The following DRC2 variants were observed in gnomAD, a reference collection of about 807,000 sequenced individuals.
DRC2 encodes dynein regulatory complex subunit 2, also known as coiled-coil domain containing 65.
the DRC2 span, chr12:48,904,460 T>C: frequency 1.9e-6 from 3 of 1,613,706 alleles, no homozygotes; most frequent in South Asian, 3.3e-5. Flanking sequence ...CCTCAGCCAG[T>C]TCTTGAAGGT....
chr12:48,918,288 A>T, the DRC2 span: 1 of 1,614,042 alleles, frequency 6.2e-7, no homozygotes, highest in African/African-American at 1.3e-5. Flanking sequence ...TTAGAAGAGA[A>T]GCACTTTCTA....
the DRC2 span, among the ~76,000 whole-genome samples, chr12:48,906,533 C>T: frequency 6.6e-6 from 1 of 151,878 alleles, no homozygotes; most frequent in Non-Finnish European, 1.5e-5. Flanking sequence ...ATCCGCCCGC[C>T]TCAGTCTCCC....
chr12:48,921,325 G>A, the DRC2 span: 1 of 1,614,200 alleles, frequency 6.2e-7, no homozygotes, highest in East Asian at 2.2e-5. Context: ...ATCTCAGTGA[G>A]TGACGAAGTG....
At chr12:48,904,146 A>G in the DRC2 span, 1 of 666,970 alleles carries the variant, frequency 1.5e-6, no homozygotes, top group Non-Finnish European at 2.5e-6. Context: ...CGCGTCTTAC[A>G]GTGGGAGAGC....
chr12:48,918,802 G>A, the DRC2 span: 2 of 1,614,092 alleles, frequency 1.2e-6, no homozygotes, highest in Non-Finnish European at 1.7e-6. Flanking sequence ...AAAACTTAAG[G>A]CCCAAAGAAC....
the DRC2 span, among the ~76,000 whole-genome samples, chr12:48,906,397 G>C: frequency 1.3e-5 from 2 of 150,316 alleles, no homozygotes; most frequent in South Asian, 4.2e-4. Flanking sequence ...TCCGCCTCCC[G>C]AGTTCAGCCT....
chr12:48,908,589 ATTATTATTATTATTATTAT>A, the DRC2 span, among the ~76,000 whole-genome samples: 6 of 121,562 alleles, frequency 4.9e-5, no homozygotes, highest in African/African-American at 1.7e-4. Flanking sequence ...TATTATTATT[ATTATTATTATTATTATTAT>A]TTATTTATTT....
the DRC2 span, among the ~76,000 whole-genome samples, chr12:48,916,743 T>C: frequency 6.6e-6 from 1 of 152,222 alleles, no homozygotes. Flanking sequence ...TGTAACCTTT[T>C]GTACTTTTTT....
chr12:48,917,178 C>T, the DRC2 span: 1 of 1,563,556 alleles, frequency 6.4e-7, no homozygotes, highest in Non-Finnish European at 8.8e-7. Context: ...AGGCTGGGCA[C>T]AGTGGCTCAC....
At chr12:48,917,639 A>G in the DRC2 span, among the ~76,000 whole-genome samples, 1 of 152,302 alleles carries the variant, frequency 6.6e-6, no homozygotes, top group Admixed American at 6.5e-5. Flanking sequence ...TGTCAAGGGA[A>G]TGCATTTTAG....
At chr12:48,919,613 G>T in the DRC2 span, among the ~76,000 whole-genome samples, 7 of 151,904 alleles carry the variant, frequency 4.6e-5, no homozygotes, top group South Asian at 2.1e-4. Context: ...TACCTCCCCA[G>T]TTCAAGCAAT....
At chr12:48,912,268 A>G in the DRC2 span, among the ~76,000 whole-genome samples, 1 of 151,152 alleles carries the variant, frequency 6.6e-6, no homozygotes, top group Non-Finnish European at 1.5e-5. Context: ...CTCTCTACTA[A>G]AAAATAAAAA....
chr12:48,921,339 A>C, the DRC2 span: 1 of 1,614,224 alleles, frequency 6.2e-7, no homozygotes. Context: ...CGAAGTGCTG[A>C]GCCAGCTCAA....
chr12:48,918,683 A>G, the DRC2 span: 2 of 1,612,820 alleles, frequency 1.2e-6, no homozygotes, highest in Non-Finnish European at 1.7e-6. Flanking sequence ...CTGTTCCTCT[A>G]GGATGCCATA....
At chr12:48,914,683 G>T in the DRC2 span, 1 of 979,314 alleles carries the variant, frequency 1.0e-6, no homozygotes. Flanking sequence ...ATCCCACATT[G>T]ATTATCACGG....
At chr12:48,909,069 G>C in the DRC2 span, among the ~76,000 whole-genome samples, 3 of 117,808 alleles carry the variant, frequency 2.5e-5, no homozygotes, top group Non-Finnish European at 5.1e-5. Context: ...TTGAGATGGA[G>C]TTTTGCTCTT....
At chr12:48,904,806 T>A in the DRC2 span, 1 of 683,142 alleles carries the variant, frequency 1.5e-6, no homozygotes, top group Admixed American at 3.2e-5. Context: ...CTGAAGGAAA[T>A]TCACCCTTGC....
At chr12:48,914,553 C>T in the DRC2 span, 1 of 1,613,974 alleles carries the variant, frequency 6.2e-7, no homozygotes, top group Non-Finnish European at 8.5e-7. Context: ...AAGCCCTAAC[C>T]AAGGAGTTTG....
chr12:48,920,997 C>A, the DRC2 span: 1 of 1,613,754 alleles, frequency 6.2e-7, no homozygotes, highest in Non-Finnish European at 8.5e-7. Flanking sequence ...AAAGTGCTGC[C>A]TTTTTATTCA....
Sources: allele counts gnomAD v4.1 joint callset (sites outside exome capture counted in the v4.1 genomes callset), GRCh38; gene constraint gnomAD v4.1.1; transcripts MANE v1.5; gene names NCBI Gene and HGNC (gene_info 2026-07-23, HGNC 2026-07-21).